The following CPQ variants were observed in gnomAD, a reference collection of about 807,000 sequenced individuals.
CPQ encodes the protein Ser-Met dipeptidase.
A neutral mutation model predicts 45.7 loss-of-function variants in CPQ; 37 were observed. The observed-to-expected ratio is 0.81, with a 90% CI of 0.62 to 1.07. The LOEUF (loss-of-function observed/expected upper bound fraction) is 1.07. CPQ is among the 50% of genes least tolerant of loss of function. The pLI is 0.00. For missense variants in CPQ, 537 were observed against 572.9 expected, an observed-to-expected ratio of 0.94 and a Z score of 0.64; for synonymous variants, 186 against 205.8, an observed-to-expected ratio of 0.90 and a Z score of 0.82.
chr8:97,065,096 A>G (rs1408767983), intron 6 of CPQ, among the ~76,000 whole-genome samples: 1 of 152,216 alleles, frequency 6.6e-6, no homozygotes, highest in African/African-American at 2.4e-5. Flanking sequence ...AGGAATGAGT[A>G]GCAGTGTTTG....
At chr8:96,835,436 C>CT in intron 3 of CPQ, among the ~76,000 whole-genome samples, 1 of 152,294 alleles carries the variant, frequency 6.6e-6, no homozygotes, top group East Asian at 1.9e-4. Flanking sequence ...GATCCCATTA[C>CT]ATTCCTTATA....
At chr8:97,038,686 CT>C (rs764874633) in intron 6 of CPQ, among the ~76,000 whole-genome samples, 58 of 146,482 alleles carry the variant, frequency 4.0e-4, no homozygotes, top group Admixed American at 6.8e-4. Context: ...GGTTGGCAAA[CT>C]TTTTTTTTTT....
At chr8:96,936,366 G>T (rs946167548) in intron 4 of CPQ, among the ~76,000 whole-genome samples, 6 of 152,120 alleles carry the variant, frequency 3.9e-5, no homozygotes, top group Non-Finnish European at 7.4e-5. Context: ...TGACTCATTT[G>T]CTTAATGGTT....
At chr8:96,896,425 T>A (rs1402888693) in intron 4 of CPQ, among the ~76,000 whole-genome samples, 2 of 152,200 alleles carry the variant, frequency 1.3e-5, no homozygotes, top group Non-Finnish European at 2.9e-5. Flanking sequence ...CAGAAGACTC[T>A]GTTCCATGTA....
intron 2 of CPQ, among the ~76,000 whole-genome samples, chr8:96,833,296 AAAAAC>A (rs566102546): frequency 6.6e-6 from 1 of 151,898 alleles, no homozygotes; most frequent in African/African-American, 2.4e-5. Context: ...CTTGTTTGTT[AAAAAC>A]AAAACAAAAC....
At chr8:96,725,857 G>A (rs1463102979) in intron 1 of CPQ, among the ~76,000 whole-genome samples, 1 of 152,180 alleles carries the variant, frequency 6.6e-6, no homozygotes. Flanking sequence ...TTGGTGGATT[G>A]TATAAAGAAA....
chr8:97,121,346 T>G (rs1811699181), intron 7 of CPQ, among the ~76,000 whole-genome samples: 1 of 152,222 alleles, frequency 6.6e-6, no homozygotes, highest in South Asian at 2.1e-4. Flanking sequence ...ACAGGAAGGT[T>G]GTTGTTGGAC....
intron 6 of CPQ, among the ~76,000 whole-genome samples, chr8:97,044,814 C>T (rs151328072): frequency 0.011 from 1,749 of 152,256 alleles, 37 homozygotes; most frequent in African/African-American, 0.04. Context: ...TCGTGAACTG[C>T]GAATGCTGCT....
chr8:97,058,927 A>G (rs547316547), intron 6 of CPQ, among the ~76,000 whole-genome samples: 2 of 152,294 alleles, frequency 1.3e-5, no homozygotes, highest in South Asian at 4.1e-4. Flanking sequence ...CATTTTTTAA[A>G]AAAGCATATC....
intron 6 of CPQ, among the ~76,000 whole-genome samples, chr8:97,062,052 A>C (rs1810559974): frequency 6.6e-6 from 1 of 152,152 alleles, no homozygotes; most frequent in Non-Finnish European, 1.5e-5. Flanking sequence ...TCCTGTCAAC[A>C]TCCTGTGACA....
chr8:96,838,822 T>A (rs1434130795), intron 3 of CPQ, among the ~76,000 whole-genome samples: 1 of 152,130 alleles, frequency 6.6e-6, no homozygotes, highest in Non-Finnish European at 1.5e-5. Context: ...GTGCTCTTTG[T>A]CCGAACTATG....
At chr8:96,839,086 C>A (rs1811570357) in intron 3 of CPQ, among the ~76,000 whole-genome samples, 1 of 108,256 alleles carries the variant, frequency 9.2e-6, no homozygotes. Flanking sequence ...CACTAGAGAA[C>A]ATTATATTAT....
chr8:96,892,793 C>T (rs866107336), intron 4 of CPQ, among the ~76,000 whole-genome samples: 1 of 152,034 alleles, frequency 6.6e-6, no homozygotes, highest in South Asian at 2.1e-4. Flanking sequence ...GCAAGGAAAA[C>T]CTTGTAGGTT....
At chr8:97,044,738 C>T (rs1035694339) in intron 6 of CPQ, among the ~76,000 whole-genome samples, 5 of 152,200 alleles carry the variant, frequency 3.3e-5, no homozygotes, top group African/African-American at 1.2e-4. Flanking sequence ...TTGGAGTTTG[C>T]TAGAGGTCCA....
At chr8:96,967,602 C>A (rs994024614) in intron 5 of CPQ, among the ~76,000 whole-genome samples, 1 of 152,156 alleles carries the variant, frequency 6.6e-6, no homozygotes, top group Non-Finnish European at 1.5e-5. Context: ...CAAAGTACAT[C>A]GACTTCAGTT....
intron 6 of CPQ, among the ~76,000 whole-genome samples, chr8:97,030,701 G>A (rs1274273825): frequency 1.3e-5 from 2 of 152,132 alleles, no homozygotes; most frequent in African/African-American, 4.8e-5. Flanking sequence ...CATACACTAT[G>A]TTATGCATTA....
chr8:96,960,929 A>T (rs1813449956), intron 4 of CPQ, among the ~76,000 whole-genome samples: 1 of 152,072 alleles, frequency 6.6e-6, no homozygotes, highest in Non-Finnish European at 1.5e-5. Context: ...CCATTGTATG[A>T]CTATTCCACA....
chr8:97,110,045 A>G (rs1811474723), intron 7 of CPQ, among the ~76,000 whole-genome samples: 1 of 152,140 alleles, frequency 6.6e-6, no homozygotes, highest in Non-Finnish European at 1.5e-5. Context: ...ATGAGTTTGG[A>G]TAATTATGTA....
chr8:97,066,957 C>A (rs1810648782), intron 7 of CPQ, among the ~76,000 whole-genome samples: 1 of 119,730 alleles, frequency 8.4e-6, no homozygotes, highest in Non-Finnish European at 1.6e-5. Flanking sequence ...GACAGGGTCT[C>A]ACTCTGTCAC....
Sources: gnomAD v4.1 joint callset for allele counts (sites outside exome capture counted in the v4.1 genomes callset) on GRCh38, gnomAD v4.1.1 for gene constraint, MANE v1.5 for transcripts, NCBI Gene and HGNC (gene_info 2026-07-23, HGNC 2026-07-21) for gene names.